The following THSD4 variants were observed in gnomAD, a reference collection of about 807,000 sequenced individuals.
THSD4 encodes thrombospondin type 1 domain containing 4.
In THSD4, 69 loss-of-function variants were observed where a neutral mutation model predicts 119.0. The observed-to-expected ratio is 0.58, with a 90% CI of 0.48 to 0.71. The LOEUF is 0.71. Ranked by LOEUF, THSD4 falls within the 30% of genes least tolerant of loss-of-function variation. The pLI is 0.00. For synonymous variants in THSD4, 524 were observed against 540.4 expected, an observed-to-expected ratio of 0.97 and a Z score of 0.42; for missense variants, 1,393 against 1,391.1, an observed-to-expected ratio of 1.00 and a Z score of -0.02.
intron 6 of THSD4, among the ~76,000 whole-genome samples, chr15:71,268,343 C>T (rs1298253814): frequency 3.3e-5 from 5 of 152,214 alleles, no homozygotes; most frequent in African/African-American, 1.2e-4. Flanking sequence ...GAACAACCTT[C>T]TCCTGAATAA....
chr15:71,219,863 C>G (rs113080490), intron 4 of THSD4, among the ~76,000 whole-genome samples: 3 of 152,202 alleles, frequency 2.0e-5, no homozygotes, highest in African/African-American at 7.2e-5. Flanking sequence ...GAGTCTGACA[C>G]TAAAGTTCTT....
chr15:71,466,843 C>T (rs1483242338), intron 7 of THSD4, among the ~76,000 whole-genome samples: 1 of 152,220 alleles, frequency 6.6e-6, no homozygotes, highest in Non-Finnish European at 1.5e-5. Context: ...CCATCCAGCC[C>T]CTTTCTAGCT....
intron 6 of THSD4, among the ~76,000 whole-genome samples, chr15:71,279,703 G>A (rs2995): frequency 0.68 from 103,116 of 151,678 alleles, 35,699 homozygotes; most frequent in East Asian, 0.82. Flanking sequence ...CTGCACAGGG[G>A]CTCCCAAATG....
intron 7 of THSD4, among the ~76,000 whole-genome samples, chr15:71,543,805 A>G (rs538029131): frequency 6.8e-4 from 103 of 152,304 alleles, no homozygotes; most frequent in African/African-American, 1.9e-3. Flanking sequence ...AGGCAGGTGG[A>G]TCACCTGAGG....
chr15:71,141,920 G>A (rs181713503), intron 2 of THSD4, among the ~76,000 whole-genome samples: 7 of 152,286 alleles, frequency 4.6e-5, no homozygotes, highest in Non-Finnish European at 2.9e-5. Flanking sequence ...TCTGGCCAAC[G>A]TGGTGAAACC....
chr15:71,254,210 C>T (rs993862702), intron 5 of THSD4, among the ~76,000 whole-genome samples: 2 of 152,200 alleles, frequency 1.3e-5, no homozygotes, highest in African/African-American at 4.8e-5. Flanking sequence ...CGAAGACCTG[C>T]GGCCCGGCAG....
intron 8 of THSD4, among the ~76,000 whole-genome samples, chr15:71,711,631 C>T (rs2052517913): frequency 1.3e-5 from 2 of 151,636 alleles, no homozygotes; most frequent in Admixed American, 1.3e-4. Flanking sequence ...AAAGAAAGAC[C>T]CAGTGATATG....
At chr15:71,608,222 CA>C (rs1220559216) in intron 7 of THSD4, among the ~76,000 whole-genome samples, 146 of 46,740 alleles carry the variant, frequency 3.1e-3, no homozygotes, top group Middle Eastern at 0.011. Context: ...AACTCTGTCT[CA>C]AAAAAAAAAA....
intron 6 of THSD4, among the ~76,000 whole-genome samples, chr15:71,295,791 A>G (rs1483450401): frequency 3.3e-5 from 5 of 152,166 alleles, no homozygotes; most frequent in African/African-American, 9.7e-5. Context: ...GAACATTTTT[A>G]TCATGTCAGT....
intron 8 of THSD4, among the ~76,000 whole-genome samples, chr15:71,675,286 A>G (rs1038890821): frequency 1.3e-5 from 2 of 152,248 alleles, no homozygotes; most frequent in Non-Finnish European, 2.9e-5. Context: ...AAGAAAAGCA[A>G]AGAAAGTCAG....
chr15:71,214,829 C>T (rs1456903329), intron 3 of THSD4, among the ~76,000 whole-genome samples: 1 of 152,164 alleles, frequency 6.6e-6, no homozygotes, highest in Non-Finnish European at 1.5e-5. Flanking sequence ...CGCATTATGA[C>T]TTTCGCGGGG....
intron 6 of THSD4, among the ~76,000 whole-genome samples, chr15:71,257,545 A>T (rs1362605091): frequency 6.6e-6 from 1 of 152,104 alleles, no homozygotes; most frequent in African/African-American, 2.4e-5. Context: ...GTTGGCCAAG[A>T]CCCAGAGTAT....
At chr15:71,421,291 A>C (rs770729322) in intron 7 of THSD4, among the ~76,000 whole-genome samples, 1 of 39,898 alleles carries the variant, frequency 2.5e-5, no homozygotes, top group Non-Finnish European at 5.7e-5. Flanking sequence ...CTTATTGCTC[A>C]TTAACATCAT....
At position 71,384,369 on chromosome 15, in the gene THSD4, C is replaced by T. The variant is rs560724785; in HGVS notation, c.1016-27318C>T. 8.8e-4 allele frequency among the ~76,000 whole-genome samples: 134 copies of T among 151,596 alleles called. 4 individuals carry two copies. The South Asian group carries it at 0.026, about 30-fold the overall frequency. Reference sequence around the variant, plus strand: ...CTCCAGCCTGGGCAACGGTACAGAGCAAGACTCCGTCTCAAAAAAAAAACA... The same window carrying T: ...CTCCAGCCTGGGCAACGGTACAGAGTAAGACTCCGTCTCAAAAAAAAAACA... On this transcript the variant is annotated intron_variant, in intron 6 of 17. Transcript: ENST00000261862.
intron 6 of THSD4, among the ~76,000 whole-genome samples, chr15:71,369,722 A>G (rs2046016954): frequency 6.6e-6 from 1 of 152,114 alleles, no homozygotes; most frequent in Admixed American, 6.6e-5. Context: ...ATGTTCATCA[A>G]GGATATTGGT....
chr15:71,758,039 G>C lies in THSD4; in HGVS notation c.2553G>C (p.Thr851=). 6.2e-7 allele frequency: 1 copy of C among 1,604,436 alleles called. No homozygotes were observed. The highest frequency in any genetic ancestry group is 8.5e-7 in the Non-Finnish European group (1 of 1,175,170). Residue 851 remains threonine, a synonymous_variant, in exon 15 of 18, where the codon ACG becomes ACC. Transcript: ENST00000261862. ...EATPCDNGPC[T]GKVEWFAGSW... ...CCCCATGTGACAACGGACCCTGCACGGGCAAGGTGGAGTGGTTTGCCGGGA... is the reference window on the plus strand; with the variant it reads ...CCCCATGTGACAACGGACCCTGCACCGGCAAGGTGGAGTGGTTTGCCGGGA...
chr15:71,236,495 T>C (rs2044106676), intron 4 of THSD4, among the ~76,000 whole-genome samples: 1 of 152,190 alleles, frequency 6.6e-6, no homozygotes, highest in Admixed American at 6.5e-5. Context: ...TGTTCCTACA[T>C]AGAAGGAGGT....
chr15:71,139,658 C>T (rs190361603), intron 1 of THSD4, among the ~76,000 whole-genome samples: 66 of 152,340 alleles, frequency 4.3e-4, no homozygotes, highest in African/African-American at 1.6e-3. Flanking sequence ...CCTGTGGTAA[C>T]TTAAAATCTT....
chr15:71,251,397 A>C (rs1242514300), intron 5 of THSD4, among the ~76,000 whole-genome samples: 1 of 152,194 alleles, frequency 6.6e-6, no homozygotes, highest in Non-Finnish European at 1.5e-5. Context: ...CCACTTAAAA[A>C]TCCCCATAAA....
Sources: gnomAD v4.1 joint callset for allele counts (sites outside exome capture counted in the v4.1 genomes callset) on GRCh38, gnomAD v4.1.1 for gene constraint, MANE v1.5 for transcripts, NCBI Gene and HGNC (gene_info 2026-07-23, HGNC 2026-07-21) for gene names.